IPO11: variants seen among roughly 807,000 people sequenced by gnomAD.
IPO11 encodes importin-11.
IPO11 carries 66 observed loss-of-function variants against 143.2 expected under a neutral mutation model. The ratio of observed to expected loss-of-function variants is 0.46; its 90% confidence interval spans 0.38 to 0.57. IPO11 has a LOEUF of 0.57. IPO11 is among the 20% of genes least tolerant of loss of function. The pLI is 0.00. For missense variants in IPO11, 1,026 were observed against 1,141.0 expected (o/e 0.90, Z 1.45); for synonymous variants, 385 against 377.8 (o/e 1.02, Z -0.22).
At chr5:62,538,025 A>G (rs1742796337) in intron 24 of IPO11, among the ~76,000 whole-genome samples, 1 of 152,178 alleles carries the variant, frequency 6.6e-6, no homozygotes, top group Non-Finnish European at 1.5e-5. Flanking sequence ...AGTATAATAA[A>G]ATAAATATAA....
intron 19 of IPO11, among the ~76,000 whole-genome samples, 156 bp from the exon 20 acceptor site, chr5:62,515,232 A>G (rs544886617): frequency 1.3e-5 from 2 of 152,280 alleles, no homozygotes; most frequent in East Asian, 3.9e-4. Context: ...TGTAATGTCT[A>G]ATTTTATTTC....
intron 1 of IPO11, among the ~76,000 whole-genome samples, 156 bp from the exon 2 acceptor site, chr5:62,437,118 A>G (rs1438203499): frequency 6.6e-6 from 1 of 152,364 alleles, no homozygotes. Context: ...AAGGATGAGT[A>G]TGGGGTATAC....
chr5:62,445,918 T>C (rs554130989), intron 3 of IPO11, among the ~76,000 whole-genome samples: 3 of 152,330 alleles, frequency 2.0e-5, no homozygotes, highest in Admixed American at 1.3e-4. Flanking sequence ...GTTAGAGTTA[T>C]GCAAACTGCT....
At chr5:62,459,264 C>T (rs929881176) in intron 5 of IPO11, among the ~76,000 whole-genome samples, 1 of 152,008 alleles carries the variant, frequency 6.6e-6, no homozygotes, top group African/African-American at 2.4e-5. Context: ...ATATCACTGG[C>T]AGGTTTGAAA....
At chr5:62,528,802 A>G (rs1036516442) in intron 21 of IPO11, among the ~76,000 whole-genome samples, 10 of 152,172 alleles carry the variant, frequency 6.6e-5, no homozygotes, top group African/African-American at 2.2e-4. Context: ...TATAAAGTAG[A>G]TATCTTAGAG....
chr5:62,532,688 GTAGC>G (rs1435601461), intron 22 of IPO11, among the ~76,000 whole-genome samples: 4 of 152,072 alleles, frequency 2.6e-5, no homozygotes, highest in Non-Finnish European at 5.9e-5. Flanking sequence ...AGAAATCTTT[GTAGC>G]TGATGCATAT....
intron 28 of IPO11, 100 bp downstream of exon 28, chr5:62,591,772 G>A: frequency 1.5e-6 from 1 of 663,430 alleles, no homozygotes; most frequent in Non-Finnish European, 2.4e-6. Context: ...CAGTATGAAA[G>A]TTTTATAATT....
At chr5:62,416,101 C>G (rs369334199) in intron 1 of IPO11, among the ~76,000 whole-genome samples, 1 of 151,960 alleles carries the variant, frequency 6.6e-6, no homozygotes, top group South Asian at 2.1e-4. Flanking sequence ...AGATGGCCAC[C>G]TTCTTGCTGC....
intron 15 of IPO11, among the ~76,000 whole-genome samples, chr5:62,491,763 T>C (rs1746617658): frequency 6.6e-6 from 1 of 151,598 alleles, no homozygotes; most frequent in Non-Finnish European, 1.5e-5. Flanking sequence ...CCTCCCGGGT[T>C]CATGCCGTTC....
chr5:62,586,764 A>AT (rs1554056988), intron 27 of IPO11, among the ~76,000 whole-genome samples: 35 of 83,088 alleles, frequency 4.2e-4, no homozygotes, highest in African/African-American at 6.0e-4. Flanking sequence ...AAAAAAAAAA[A>AT]AAAAATATAT....
intron 29 of IPO11, among the ~76,000 whole-genome samples, chr5:62,607,095 T>G (rs1242172173): frequency 6.6e-6 from 1 of 152,216 alleles, no homozygotes; most frequent in Non-Finnish European, 1.5e-5. Context: ...AATCAGAGCC[T>G]ACACATAGCT....
chr5:62,571,061 A>G (rs906419064), intron 27 of IPO11, among the ~76,000 whole-genome samples: 2 of 152,260 alleles, frequency 1.3e-5, no homozygotes, highest in Non-Finnish European at 2.9e-5. Context: ...GAGGAGTAAA[A>G]TAATGAGTCT....
At chr5:62,434,690 G>T (rs1055903780) in intron 1 of IPO11, among the ~76,000 whole-genome samples, 8 of 151,930 alleles carry the variant, frequency 5.3e-5, no homozygotes, top group Non-Finnish European at 7.4e-5. Flanking sequence ...AAAAATATTG[G>T]TTACATGTTG....
chr5:62,587,996 A>G (rs1196629973), intron 27 of IPO11, among the ~76,000 whole-genome samples: 2 of 152,146 alleles, frequency 1.3e-5, no homozygotes, highest in South Asian at 2.1e-4. Flanking sequence ...CAATTTCACA[A>G]TCACTATGCA....
chr5:62,517,359 G>A (rs1184065205), intron 20 of IPO11, among the ~76,000 whole-genome samples: 1 of 152,068 alleles, frequency 6.6e-6, no homozygotes, highest in African/African-American at 2.4e-5. Context: ...AACAATGAAC[G>A]ACCCGAGATA....
intron 28 of IPO11, among the ~76,000 whole-genome samples, chr5:62,592,038 C>T (rs549113934): frequency 2.0e-5 from 3 of 152,080 alleles, no homozygotes; most frequent in Non-Finnish European, 2.9e-5. Flanking sequence ...TTAGTAGAGA[C>T]GGGGTTTCTC....
intron 20 of IPO11, among the ~76,000 whole-genome samples, chr5:62,515,923 G>A (rs992089529): frequency 6.6e-6 from 1 of 152,208 alleles, no homozygotes; most frequent in Non-Finnish European, 1.5e-5. Flanking sequence ...GGAGACAAGT[G>A]AATTGGATCT....
At chr5:62,430,914 G>T (rs1459556195) in intron 1 of IPO11, among the ~76,000 whole-genome samples, 2 of 151,782 alleles carry the variant, frequency 1.3e-5, no homozygotes, top group African/African-American at 2.4e-5. Flanking sequence ...CTGACCTCAG[G>T]TGATCCTCCC....
intron 16 of IPO11, among the ~76,000 whole-genome samples, chr5:62,503,309 TTAATATATTAATAGTATCTAC>T (rs1561338153): frequency 1.6e-4 from 22 of 137,000 alleles, no homozygotes; most frequent in African/African-American, 5.3e-4. Flanking sequence ...TCAGTATCTA[TTAATATATTAATAGTATCTAC>T]TAATATATTA....
Sources: allele counts gnomAD v4.1 joint callset (sites outside exome capture counted in the v4.1 genomes callset), GRCh38; gene constraint gnomAD v4.1.1; transcripts MANE v1.5; gene names NCBI Gene and HGNC (gene_info 2026-07-23, HGNC 2026-07-21).